The following LINGO2 variants were observed in gnomAD, a reference collection of about 807,000 sequenced individuals.
The protein encoded by LINGO2 is leucine-rich repeat and immunoglobulin-like domain-containing nogo receptor-interacting protein 2.
A neutral mutation model predicts 30.6 loss-of-function variants in LINGO2; 14 were observed. That is an observed-to-expected ratio of 0.46 (90% confidence interval 0.30 to 0.72). The LOEUF is 0.72. LINGO2 is among the 30% of genes least tolerant of loss of function. The probability of loss-of-function intolerance (pLI) is 0.07; values close to 1 mark genes in which losing one functional copy is unlikely to be tolerated. For missense variants in LINGO2, 729 were observed against 751.7 expected (o/e 0.97, Z 0.35); for synonymous variants, 317 against 288.5 (o/e 1.10, Z -1.00).
chr9:29,080,407 T>G, the LINGO2 span, among the ~76,000 whole-genome samples: 1 of 151,574 alleles, frequency 6.6e-6, no homozygotes, highest in South Asian at 2.1e-4. Flanking sequence ...CTGGATTCAT[T>G]GATTTTTTTT....
chr9:28,027,697 G>A (rs1198432936), intron 4 of LINGO2, among the ~76,000 whole-genome samples: 1 of 152,112 alleles, frequency 6.6e-6, no homozygotes, highest in Non-Finnish European at 1.5e-5. Flanking sequence ...TTTCTGGCAG[G>A]ATTAAATGCG....
At chr9:29,118,484 GGCAGCC>G in the LINGO2 span, among the ~76,000 whole-genome samples, 1 of 152,174 alleles carries the variant, frequency 6.6e-6, no homozygotes, top group Non-Finnish European at 1.5e-5. Context: ...CCAACGATCT[GGCAGCC>G]GTTCATAGTC....
At chr9:27,958,143 T>G (rs1203077325) in intron 5 of LINGO2, among the ~76,000 whole-genome samples, 1 of 152,172 alleles carries the variant, frequency 6.6e-6, no homozygotes, top group Non-Finnish European at 1.5e-5. Context: ...TTAACTAAGA[T>G]TTTTTAAAAT....
chr9:28,300,071 A>G (rs1392287932), intron 3 of LINGO2, among the ~76,000 whole-genome samples: 3 of 151,896 alleles, frequency 2.0e-5, no homozygotes, highest in African/African-American at 7.3e-5. Context: ...ACAGTTTTAA[A>G]TGAATTTAAT....
the LINGO2 span, among the ~76,000 whole-genome samples, chr9:28,794,303 C>CA: frequency 6.6e-6 from 1 of 152,046 alleles, no homozygotes. Flanking sequence ...GACTCCGTCT[C>CA]AAAACAAAAC....
At chr9:28,849,855 C>T in the LINGO2 span, among the ~76,000 whole-genome samples, 5 of 152,098 alleles carry the variant, frequency 3.3e-5, no homozygotes, top group Non-Finnish European at 4.4e-5. Context: ...GTTCCCAGAG[C>T]GCTCTGCTCC....
chr9:28,990,097 T>C, the LINGO2 span, among the ~76,000 whole-genome samples: 24 of 152,194 alleles, frequency 1.6e-4, no homozygotes, highest in Non-Finnish European at 2.8e-4. Flanking sequence ...AGGCATTGCC[T>C]CACTGGGAAG....
At chr9:28,863,475 T>C in the LINGO2 span, among the ~76,000 whole-genome samples, 3 of 152,134 alleles carry the variant, frequency 2.0e-5, no homozygotes, top group Non-Finnish European at 4.4e-5. Context: ...TTGATCACTG[T>C]TAACACTAAG....
rs146015815 is a variant in LINGO2, at chr9:28,076,916, T to A, written c.-86-64511A>T. Among the ~76,000 whole-genome samples the A allele has an allele frequency of 2.3e-3, 356 of 152,280 alleles. 7 individuals carry two copies. In the South Asian group the frequency reaches 0.044, roughly 19 times the overall value. ...AAGGGGTTCATTCTTGAAATTCTAA[T>A]GTCTATTATTTCATTGTTTGTTCTG... is the stretch of plus-strand genomic sequence containing the variant. On this transcript the variant is annotated intron_variant, in intron 4 of 5. Transcript: ENST00000379992.
At chr9:29,018,335 A>G in the LINGO2 span, among the ~76,000 whole-genome samples, 1 of 151,728 alleles carries the variant, frequency 6.6e-6, no homozygotes, top group Non-Finnish European at 1.5e-5. Flanking sequence ...CATGGGCTGT[A>G]AAAACACCTA....
intron 3 of LINGO2, among the ~76,000 whole-genome samples, chr9:28,310,809 A>G (rs1382016584): frequency 6.6e-6 from 1 of 152,180 alleles, no homozygotes; most frequent in East Asian, 1.9e-4. Context: ...TTAAAGTTAA[A>G]TCTCTTCTAT....
At chr9:28,296,856 T>A (rs1587411942) in intron 3 of LINGO2, among the ~76,000 whole-genome samples, 1 of 152,364 alleles carries the variant, frequency 6.6e-6, no homozygotes, top group East Asian at 1.9e-4. Flanking sequence ...TATTAACCTA[T>A]AACCTCAGTC....
At chr9:28,787,573 T>C in the LINGO2 span, among the ~76,000 whole-genome samples, 1 of 152,294 alleles carries the variant, frequency 6.6e-6, no homozygotes, top group South Asian at 2.1e-4. Flanking sequence ...AACCCTGCAA[T>C]GTCTACTTTC....
At chr9:28,387,811 C>T (rs1166077842) in intron 2 of LINGO2, among the ~76,000 whole-genome samples, 1 of 152,188 alleles carries the variant, frequency 6.6e-6, no homozygotes, top group African/African-American at 2.4e-5. Context: ...CGAAGGTCTG[C>T]AGCTTCACTC....
At chr9:28,028,452 A>G (rs558185726) in intron 4 of LINGO2, among the ~76,000 whole-genome samples, 2 of 152,248 alleles carry the variant, frequency 1.3e-5, no homozygotes, top group African/African-American at 4.8e-5. Flanking sequence ...TTAGGTTTCT[A>G]TAGATGCTAT....
chr9:28,809,645 C>T, the LINGO2 span, among the ~76,000 whole-genome samples: 2 of 150,300 alleles, frequency 1.3e-5, no homozygotes, highest in Non-Finnish European at 2.9e-5. Flanking sequence ...ACTCGGGAAG[C>T]TGAGGCAGGA....
At chr9:28,832,192 G>A in the LINGO2 span, among the ~76,000 whole-genome samples, 1 of 152,202 alleles carries the variant, frequency 6.6e-6, no homozygotes, top group East Asian at 1.9e-4. Flanking sequence ...AAAAGCAGTT[G>A]GAGTTGGCAA....
rs185830298 is a variant in LINGO2 at position 28,436,283 on chromosome 9, T to C, written c.-279+39657A>G. 1.2e-3 allele frequency among the ~76,000 whole-genome samples: 179 copies of C among 152,270 alleles called. 2 individuals are homozygous for C. Among genetic ancestry groups the C allele is most frequent in the African/African-American group, 4.1e-3 (172 of 41,568 alleles). On this transcript the variant is annotated intron_variant, in intron 2 of 5. Transcript: ENST00000379992. ...AAAATCTTAATGGAAGATTAGTTTC[T>C]GCCAAGACCTTTGCAACCTAATAGT...
the LINGO2 span, among the ~76,000 whole-genome samples, chr9:28,881,326 G>C: frequency 2.6e-5 from 4 of 151,986 alleles, no homozygotes; most frequent in Non-Finnish European, 4.4e-5. Flanking sequence ...GTTTTACCCT[G>C]TTAGCCAGGC....
Sources: allele counts gnomAD v4.1 joint callset (sites outside exome capture counted in the v4.1 genomes callset), GRCh38; gene constraint gnomAD v4.1.1; transcripts MANE v1.5; gene names NCBI Gene and HGNC (gene_info 2026-07-23, HGNC 2026-07-21).